The following DPF3 variants were observed in gnomAD, a reference collection of about 807,000 sequenced individuals.
The protein encoded by DPF3 is double PHD fingers 3.
In DPF3, 18 loss-of-function variants were observed where a neutral mutation model predicts 56.8. The ratio of observed to expected loss-of-function variants is 0.32; its 90% CI spans 0.22 to 0.47. The LOEUF is 0.47. Among genes scored for constraint, DPF3 ranks in the 20% least tolerant of loss-of-function variants. The pLI is 1.00. For missense variants in DPF3, 403 were observed against 488.8 expected, an observed-to-expected ratio of 0.82 and a Z score of 1.65; for synonymous variants, 188 against 180.2, an observed-to-expected ratio of 1.04 and a Z score of -0.35.
At chr14:72,671,198 A>C (rs1886658971) in intron 8 of DPF3, 3 of 1,613,804 alleles carry the variant, frequency 1.9e-6, no homozygotes, top group Non-Finnish European at 2.5e-6. Context: ...CCTCGACAGG[A>C]GCGAGGCTCT....
intron 1 of DPF3, among the ~76,000 whole-genome samples, chr14:72,795,287 A>T (rs1181621925): frequency 5.4e-4 from 68 of 124,956 alleles, no homozygotes; most frequent in South Asian, 7.1e-4. Context: ...CAAAAAAAAA[A>T]AAAAAAAAAT....
chr14:72,729,528 T>C (rs957787516), intron 4 of DPF3, among the ~76,000 whole-genome samples: 3 of 152,136 alleles, frequency 2.0e-5, no homozygotes, highest in African/African-American at 4.8e-5. Context: ...ATGATAAGAA[T>C]AGACTTAAAT....
chr14:72,632,686 G>A (rs1302262285), intron 8 of DPF3, among the ~76,000 whole-genome samples: 1 of 129,106 alleles, frequency 7.7e-6, no homozygotes, highest in Non-Finnish European at 1.7e-5. Context: ...AAGGAGAAGG[G>A]AAGAGATGAA....
In DPF3 at chr14:72,731,604, G is replaced by A. The variant is rs115112611; in HGVS notation, c.429+203C>T. ...GACAGAAGAGAGGGAAGGGAACCGA[G>A]GTGAAGGCAATAATGACTCCTTCGG... On this transcript the variant is annotated intron_variant, in intron 4 of 10. Coordinates refer to ENST00000556509, the MANE Select transcript of DPF3 (RefSeq NM_001280542.3). 6.8e-4 allele frequency: 435 copies of A among 635,168 alleles called. 1 individual carries two copies. Among genetic ancestry groups the A allele is most frequent in the African/African-American group, 6.8e-3 (367 of 54,216 alleles). The allele number at this position is 635,168 out of a possible 1,614,324, so 39.3% of individuals were successfully genotyped here. A position where few individuals can be genotyped will look rare whatever the true frequency, so the allele number is the denominator to read the frequency against.
At chr14:72,657,430 G>C (rs982961933) in intron 8 of DPF3, among the ~76,000 whole-genome samples, 1 of 152,152 alleles carries the variant, frequency 6.6e-6, no homozygotes, top group Non-Finnish European at 1.5e-5. Context: ...CTGCAGTTTG[G>C]ACTCTGTACC....
chr14:72,872,380 C>T (rs936556122), intron 1 of DPF3, among the ~76,000 whole-genome samples: 3 of 152,194 alleles, frequency 2.0e-5, no homozygotes, highest in Non-Finnish European at 4.4e-5. Context: ...ACTTGAATTT[C>T]TCCCCAGAAA....
chr14:72,708,081 T>C (rs1203391743), intron 6 of DPF3, among the ~76,000 whole-genome samples: 1 of 152,066 alleles, frequency 6.6e-6, no homozygotes, highest in Non-Finnish European at 1.5e-5. Flanking sequence ...GAGAGCAAGG[T>C]TGTGACTGAA....
chr14:72,873,201 A>G (rs1885971028), intron 1 of DPF3, among the ~76,000 whole-genome samples: 1 of 151,892 alleles, frequency 6.6e-6, no homozygotes, highest in Admixed American at 6.6e-5. Context: ...TCCAGAATCT[A>G]CAATGAACTC....
At chr14:72,826,965 C>T (rs1447843159) in intron 1 of DPF3, among the ~76,000 whole-genome samples, 1 of 150,928 alleles carries the variant, frequency 6.6e-6, no homozygotes, top group Admixed American at 6.6e-5. Flanking sequence ...TCGCTTGAAA[C>T]TGGAAGGTGG....
At chr14:72,682,167 T>C (rs1217570547) in intron 7 of DPF3, among the ~76,000 whole-genome samples, 1 of 150,752 alleles carries the variant, frequency 6.6e-6, no homozygotes, top group Non-Finnish European at 1.5e-5. Flanking sequence ...TGAGCCAAGA[T>C]TGTGCCACTG....
intron 3 of DPF3, among the ~76,000 whole-genome samples, chr14:72,747,886 G>C (rs1599405829): frequency 1.3e-5 from 2 of 152,114 alleles, no homozygotes; most frequent in African/African-American, 4.8e-5. Flanking sequence ...GCTCCTCTTT[G>C]TCTCCCCAGC....
chr14:72,616,242 C>G lies in DPF3; in HGVS notation c.*3055G>C, dbSNP rs578110246. On this transcript the variant is annotated 3_prime_UTR_variant, in exon 11 of 11. Transcript: ENST00000556509. ...TCAGCTAGAAAGTGGCAGTGTTGGT[C>G]GGAAAGTGAGCGTTACCCATGAACT... 6.6e-6 allele frequency among the ~76,000 whole-genome samples: 1 copy of G among 152,164 alleles called. No individual in the cohort carries two copies. Among genetic ancestry groups the G allele is most frequent in the South Asian group, 2.1e-4 (1 of 4,826 alleles).
intron 9 of DPF3, among the ~76,000 whole-genome samples, chr14:72,627,755 T>C (rs1884919446): frequency 6.6e-6 from 1 of 152,152 alleles, no homozygotes; most frequent in Admixed American, 6.5e-5. Flanking sequence ...CTGACATCTT[T>C]ATAATGTCAA....
intron 1 of DPF3, among the ~76,000 whole-genome samples, chr14:72,848,412 G>A (rs182685021): frequency 4.7e-4 from 72 of 152,196 alleles, no homozygotes; most frequent in Non-Finnish European, 1.0e-4. Flanking sequence ...TGATCCGCCC[G>A]CCTTGGCCTC....
At chr14:72,893,450 C>T (rs1054639554) in intron 1 of DPF3, among the ~76,000 whole-genome samples, 2 of 152,124 alleles carry the variant, frequency 1.3e-5, no homozygotes, top group African/African-American at 4.8e-5. Context: ...GGCCCCAGCA[C>T]GCCCGGGACC....
chr14:72,723,814 TTTG>T (rs1889283046), intron 4 of DPF3, 86 bp from the exon 5 acceptor site: 4 of 1,321,504 alleles, frequency 3.0e-6, no homozygotes, highest in Admixed American at 4.7e-5. Context: ...GGTGTTCTGA[TTTG>T]TTGTTATTTT....
intron 1 of DPF3, among the ~76,000 whole-genome samples, chr14:72,858,299 A>T (rs1041051916): frequency 8.5e-6 from 1 of 118,138 alleles, no homozygotes; most frequent in African/African-American, 3.3e-5. Context: ...CAGAGTTAAG[A>T]CTCTATCTCA....
chr14:72,771,396 C>T (rs190054622), intron 2 of DPF3, among the ~76,000 whole-genome samples: 8 of 152,194 alleles, frequency 5.3e-5, no homozygotes, highest in Non-Finnish European at 8.8e-5. Flanking sequence ...AGATTTCCGG[C>T]TTGTAACCAA....
chr14:72,837,262 CAAAG>C (rs1411281309), intron 1 of DPF3, among the ~76,000 whole-genome samples: 17 of 152,148 alleles, frequency 1.1e-4, no homozygotes, highest in Non-Finnish European at 2.1e-4. Flanking sequence ...CAGAGGAAGG[CAAAG>C]AAAGAAAGAA....
Sources: gnomAD v4.1 joint callset for allele counts (sites outside exome capture counted in the v4.1 genomes callset) on GRCh38, gnomAD v4.1.1 for gene constraint, MANE v1.5 for transcripts, NCBI Gene and HGNC (gene_info 2026-07-23, HGNC 2026-07-21) for gene names.